Variants in TNRC6A observed in about 807,000 individuals in gnomAD.
TNRC6A encodes trinucleotide repeat containing adaptor 6A, also known as trinucleotide repeat-containing gene 6A protein.
A neutral mutation model predicts 221.2 loss-of-function variants in TNRC6A; 44 were observed. That is an observed-to-expected ratio of 0.20 (90% CI 0.16 to 0.26). The LOEUF (loss-of-function observed/expected upper bound fraction) is 0.26, where lower values mean the gene tolerates loss of function less well. Ranked by LOEUF, TNRC6A falls within the 10% of genes least tolerant of loss-of-function variation. The pLI is 1.00. For missense variants in TNRC6A, 2,199 were observed against 2,404.4 expected (o/e 0.91, Z 1.79); for synonymous variants, 847 against 838.5 (o/e 1.01, Z -0.18).
chr16:24,682,881 C>T (rs963718508), intron 2 of TNRC6A, among the ~76,000 whole-genome samples: 4 of 152,260 alleles, frequency 2.6e-5, no homozygotes, highest in East Asian at 3.9e-4. Context: ...CTTAGCCTCC[C>T]AAGACACAAG....
chr16:24,797,722 ATGGTTTTAGC>A, intron 10 of TNRC6A, 152 bp downstream of exon 10: 1 of 894,138 alleles, frequency 1.1e-6, no homozygotes, highest in Non-Finnish European at 1.6e-6. Flanking sequence ...CTTCATTTTT[ATGGTTTTAGC>A]TAAAAACTTC....
chr16:24,819,316 C>T (rs190178211), intron 21 of TNRC6A, among the ~76,000 whole-genome samples: 32 of 152,258 alleles, frequency 2.1e-4, no homozygotes, highest in Admixed American at 5.2e-4. Context: ...TCCCCTCATG[C>T]TTTTAGCATG....
intron 23 of TNRC6A, 107 bp downstream of exon 23, chr16:24,822,254 G>A: frequency 9.0e-6 from 10 of 1,105,790 alleles, no homozygotes; most frequent in Non-Finnish European, 1.3e-5. Context: ...GTGAAGCCGA[G>A]CAGAGGAAAC....
intron 2 of TNRC6A, among the ~76,000 whole-genome samples, chr16:24,695,681 A>T (rs2055844652): frequency 1.3e-5 from 2 of 152,012 alleles, no homozygotes; most frequent in Admixed American, 1.3e-4. Context: ...TACAGGCGTG[A>T]GCCACCCCGC....
At chr16:24,809,281 G>A in intron 17 of TNRC6A, 69 bp from the exon 18 acceptor site, 1 of 1,338,220 alleles carries the variant, frequency 7.5e-7, no homozygotes. Context: ...CTAGGAAATA[G>A]AAGTTGTGCT....
intron 2 of TNRC6A, among the ~76,000 whole-genome samples, chr16:24,675,228 C>A (rs2055384507): frequency 6.6e-6 from 1 of 152,142 alleles, no homozygotes; most frequent in African/African-American, 2.4e-5. Flanking sequence ...CAAAGAAACA[C>A]AAGCTGTGTT....
chr16:24,690,962 C>T (rs1211716929), intron 2 of TNRC6A, among the ~76,000 whole-genome samples: 8 of 152,000 alleles, frequency 5.3e-5, no homozygotes, highest in Non-Finnish European at 1.2e-4. Flanking sequence ...CGCCCGCCAC[C>T]ACGCCCGGCT....
intron 2 of TNRC6A, among the ~76,000 whole-genome samples, chr16:24,708,056 CAA>C (rs749338303): frequency 3.1e-5 from 3 of 97,124 alleles, no homozygotes; most frequent in Admixed American, 2.2e-4. Context: ...GAGACTCTGT[CAA>C]AAAAAAAAAA....
rs1567457583 is a variant in TNRC6A, at chr16:24,777,095, CACA to C, written c.327_329del (p.Gln112del). On this transcript the variant is annotated inframe_deletion, in exon 5 of 25. Transcript: ENST00000395799. ...CAGCAGCAGCCGCAGCAGCAGCAGC[CACA>C]GCAGCAGCCACAGCCGCAGCCGCAG... 2 of 1,475,306 alleles carry C rather than the reference CACA, an allele frequency of 1.4e-6. No homozygotes were observed. The highest frequency in any genetic ancestry group is 1.4e-5 in the African/African-American group (1 of 72,316). 91.4% of individuals were successfully genotyped at this position (1,475,306 alleles called of 1,614,324 possible).
At chr16:24,688,214 C>T in intron 2 of TNRC6A, among the ~76,000 whole-genome samples, 1 of 151,848 alleles carries the variant, frequency 6.6e-6, no homozygotes, top group East Asian at 1.9e-4. Context: ...GCTGGGATTA[C>T]AGGTGTGAGC....
intron 2 of TNRC6A, among the ~76,000 whole-genome samples, chr16:24,744,653 T>G (rs2056963639): frequency 6.6e-6 from 1 of 152,202 alleles, no homozygotes; most frequent in South Asian, 2.1e-4. Flanking sequence ...TACTGTCATC[T>G]GGATCCTTAC....
chr16:24,640,589 C>A (rs564387590), intron 1 of TNRC6A, among the ~76,000 whole-genome samples: 1 of 151,310 alleles, frequency 6.6e-6, no homozygotes, highest in Non-Finnish European at 1.5e-5. Context: ...ATTATCTGGG[C>A]ATGGTGGTGC....
intron 2 of TNRC6A, among the ~76,000 whole-genome samples, chr16:24,684,096 G>A (rs1269184065): frequency 6.6e-6 from 1 of 152,182 alleles, no homozygotes; most frequent in Non-Finnish European, 1.5e-5. Flanking sequence ...GGGTGTGACT[G>A]TATGTCAATA....
rs139622298 is a variant in TNRC6A, at chr16:24,661,066, C to G, written n.402+20057C>G. 1.8e-3 allele frequency among the ~76,000 whole-genome samples: 268 copies of G among 152,128 alleles called. 1 individual carries two copies. Among genetic ancestry groups the G allele is most frequent in the African/African-American group, 6.2e-3 (256 of 41,498 alleles). ...CAGCTTTCTTCTTCTTAACCTTTAT[C>G]TGGTATGTCTTTAAGAAAAATTTTT... On this transcript the variant is annotated intron_variant and non_coding_transcript_variant, in intron 2 of 2. Coordinates refer to the TNRC6A transcript ENST00000566108.
intron 12 of TNRC6A, 153 bp from the exon 13 acceptor site, chr16:24,804,552 C>T: frequency 6.3e-6 from 8 of 1,264,880 alleles, no homozygotes; most frequent in Non-Finnish European, 8.6e-6. Context: ...TTTGTGTGCT[C>T]TAGAATTAAC....
intron 4 of TNRC6A, among the ~76,000 whole-genome samples, chr16:24,761,524 T>A (rs1315176405): frequency 6.6e-6 from 1 of 152,044 alleles, no homozygotes; most frequent in Non-Finnish European, 1.5e-5. Flanking sequence ...GAAAATTTTT[T>A]AAAAACAGTT....
upstream of TNRC6A, among the ~76,000 whole-genome samples, chr16:24,729,486 G>T (rs987413734): frequency 1.3e-5 from 2 of 151,806 alleles, no homozygotes; most frequent in African/African-American, 4.8e-5. Context: ...ACTCCGCGGG[G>T]CGCCTCGGAG....
At chr16:24,626,132 GT>G (rs55718701) in intron 1 of TNRC6A, among the ~76,000 whole-genome samples, 55,816 of 151,198 alleles carry the variant, frequency 0.37, 10,494 homozygotes, top group Middle Eastern at 0.51. Context: ...CACACATTCA[GT>G]TTTTTTTTCT....
rs2058052827 is a variant in TNRC6A at position 24,789,618 on chromosome 16, G to T, written c.976G>T (p.Val326Phe). 1 of 1,614,042 alleles carries T rather than the reference G, an allele frequency of 6.2e-7. No individual in the cohort carries two copies. Among genetic ancestry groups the T allele is most frequent in the Non-Finnish European group, 8.5e-7 (1 of 1,180,050 alleles). The part of the protein sequence containing the change: ...SHGAIISTCQ[V>F]SVDAPESKSE... The stretch of plus-strand genomic sequence containing the variant: ...TGGAGCCATAATAAGCACATGTCAG[G>T]TCTCTGTGGATGCTCCTGAAAGCAA... Residue 326 changes from valine to phenylalanine, a missense_variant, in exon 6 of 25, where the codon GTC becomes TTC. Around this residue, in one of 8 missense-constraint regions of TNRC6A, gnomAD observed 1,405 missense variants for 1,400.2 expected, o/e 1.00. Transcript: ENST00000395799.
Sources: allele counts gnomAD v4.1 joint callset (sites outside exome capture counted in the v4.1 genomes callset), GRCh38; gene constraint gnomAD v4.1.1; regional missense constraint gnomAD v4.1.1; transcripts MANE v1.5; gene names NCBI Gene and HGNC (gene_info 2026-07-23, HGNC 2026-07-21).